TMC1: variants seen among roughly 807,000 people sequenced by gnomAD.
TMC1 encodes the protein transmembrane channel like 1, also known as transmembrane channel-like protein 1.
In TMC1, 84 loss-of-function variants were observed where a neutral mutation model predicts 105.8. The ratio of observed to expected loss-of-function variants is 0.79; its 90% CI spans 0.67 to 0.95. The LOEUF is 0.95. Among genes scored for constraint, TMC1 ranks in the 40% least tolerant of loss-of-function variants. The pLI, the probability that TMC1 is intolerant of heterozygous loss-of-function variation, is 0.00. For synonymous variants in TMC1, 315 were observed against 311.5 expected (o/e 1.01, Z -0.12); for missense variants, 817 against 914.1 (o/e 0.89, Z 1.37).
intron 10 of TMC1, among the ~76,000 whole-genome samples, chr9:72,749,817 T>C (rs1160113933): frequency 1.3e-5 from 2 of 151,948 alleles, no homozygotes; most frequent in African/African-American, 4.8e-5. Context: ...AGGTAAAGAA[T>C]AGACAAAGGG....
intron 4 of TMC1, among the ~76,000 whole-genome samples, chr9:72,638,782 T>C (rs944763141): frequency 1.3e-5 from 2 of 152,328 alleles, no homozygotes; most frequent in African/African-American, 4.8e-5. Flanking sequence ...ATGTGTTAGA[T>C]TTTGGACTAA....
chr9:72,670,765 G>A (rs906256696), intron 5 of TMC1, among the ~76,000 whole-genome samples: 4 of 152,132 alleles, frequency 2.6e-5, no homozygotes, highest in Admixed American at 1.3e-4. Context: ...AAGCATAAGC[G>A]AGATGGGATT....
In TMC1 at chr9:72,806,757, G is replaced by C. The variant is rs541810855; in HGVS notation, c.1695+1247G>C. 4.9e-4 allele frequency among the ~76,000 whole-genome samples: 74 copies of C among 151,464 alleles called. 2 individuals are homozygous for C. Among genetic ancestry groups the C allele is most frequent in the South Asian group, 1.9e-3 (9 of 4,772 alleles). The stretch of plus-strand genomic sequence containing the variant: ...TTCCTAGGTGGGATGGCGGCCGGGC[G>C]GAGACGCTCCTCACTTTCCAGACTG... On this transcript the variant is annotated intron_variant, in intron 18 of 23. Transcript: ENST00000297784.
chr9:72,541,823 C>A (rs1264999008), intron 1 of TMC1, among the ~76,000 whole-genome samples: 1 of 151,998 alleles, frequency 6.6e-6, no homozygotes, highest in African/African-American at 2.4e-5. Flanking sequence ...TATGACTAGA[C>A]TGAAAGATCT....
chr9:72,606,986 T>C (rs796357748), intron 2 of TMC1, among the ~76,000 whole-genome samples: 28 of 116,626 alleles, frequency 2.4e-4, no homozygotes, highest in Admixed American at 1.5e-3. Flanking sequence ...TGTGTGCATA[T>C]ATATATATAT....
chr9:72,522,674 A>G (rs1823333074), intron 1 of TMC1, among the ~76,000 whole-genome samples: 1 of 152,226 alleles, frequency 6.6e-6, no homozygotes, highest in Non-Finnish European at 1.5e-5. Flanking sequence ...ATGTGGTCAT[A>G]TTGCTTATTA....
At chr9:72,775,233 CCCTT>C (rs1827988359) in intron 13 of TMC1, among the ~76,000 whole-genome samples, 1 of 151,422 alleles carries the variant, frequency 6.6e-6, no homozygotes, top group Non-Finnish European at 1.5e-5. Context: ...TCTTCTTCCT[CCCTT>C]CATTCATTTC....
At chr9:72,690,436 T>G (rs1259372436) in intron 6 of TMC1, among the ~76,000 whole-genome samples, 11 of 152,126 alleles carry the variant, frequency 7.2e-5, no homozygotes, top group Admixed American at 7.2e-4. Context: ...GTTTTATATT[T>G]TCATGTGATT....
At chr9:72,623,223 A>G (rs1172033640) in intron 3 of TMC1, among the ~76,000 whole-genome samples, 2 of 143,772 alleles carry the variant, frequency 1.4e-5, no homozygotes, top group Non-Finnish European at 3.0e-5. Context: ...CATTGGACAC[A>G]GAGATACCAA....
chr9:72,573,436 A>G (rs926001995), intron 1 of TMC1, among the ~76,000 whole-genome samples: 1 of 152,262 alleles, frequency 6.6e-6, no homozygotes, highest in Non-Finnish European at 1.5e-5. Context: ...AAGACCTCAC[A>G]GTACATGATG....
chr9:72,661,303 A>G (rs532484281), intron 5 of TMC1, among the ~76,000 whole-genome samples: 1 of 152,322 alleles, frequency 6.6e-6, no homozygotes, highest in South Asian at 2.1e-4. Context: ...ATGGCTTTGC[A>G]TTGCTGCCAT....
chr9:72,782,681 T>G (rs1828112041), intron 13 of TMC1, among the ~76,000 whole-genome samples: 3 of 152,302 alleles, frequency 2.0e-5, no homozygotes, highest in South Asian at 2.1e-4. Flanking sequence ...GAATGCAATT[T>G]CATTCATAAT....
intron 18 of TMC1, among the ~76,000 whole-genome samples, chr9:72,812,282 G>A (rs1828719599): frequency 1.3e-5 from 2 of 152,142 alleles, no homozygotes; most frequent in African/African-American, 4.8e-5. Context: ...TGGGAACGTG[G>A]AGATATTATA....
At position 72,659,490 on chromosome 9, in the gene TMC1, C is replaced by G. The variant is rs1307658573; in HGVS notation, c.16+10826C>G. On this transcript the variant is annotated intron_variant, in intron 5 of 23. Transcript: ENST00000297784. Reference sequence around the variant, plus strand: ...TCTCTACTAAAAATAAAAAATTAGCCAGGTGTGGTGGCATGTGCCTGTAGT... The same window carrying G: ...TCTCTACTAAAAATAAAAAATTAGCGAGGTGTGGTGGCATGTGCCTGTAGT... 4.6e-5 allele frequency among the ~76,000 whole-genome samples: 7 copies of G among 152,174 alleles called. 1 individual carries two copies. The East Asian group carries it at 1.4e-3, about 29-fold the overall frequency.
intron 15 of TMC1, among the ~76,000 whole-genome samples, 179 bp from the exon 16 acceptor site, chr9:72,791,707 G>A (rs960095751): frequency 1.3e-5 from 2 of 152,156 alleles, no homozygotes; most frequent in African/African-American, 2.4e-5. Flanking sequence ...TTGAGAATGT[G>A]AATTGAATAT....
chr9:72,656,384 T>G (rs971640133), intron 5 of TMC1, among the ~76,000 whole-genome samples: 1 of 151,812 alleles, frequency 6.6e-6, no homozygotes, highest in Non-Finnish European at 1.5e-5. Context: ...TTTGGTGCCT[T>G]TTTTTTTGGG....
intron 1 of TMC1, among the ~76,000 whole-genome samples, chr9:72,532,541 C>CAAAA (rs59010604): frequency 4.0e-5 from 3 of 75,526 alleles, no homozygotes; most frequent in Non-Finnish European, 5.2e-5. Context: ...GACTCCGTCT[C>CAAAA]AAAAAAAAAA....
At chr9:72,631,426 C>A (rs1203709891) in intron 4 of TMC1, among the ~76,000 whole-genome samples, 1 of 152,144 alleles carries the variant, frequency 6.6e-6, no homozygotes, top group East Asian at 1.9e-4. Flanking sequence ...TTTGGGATAG[C>A]TCTGCTGAAC....
chr9:72,807,521 T>C (rs910903765), intron 18 of TMC1, among the ~76,000 whole-genome samples: 4 of 152,318 alleles, frequency 2.6e-5, no homozygotes, highest in African/African-American at 9.6e-5. Flanking sequence ...AGCTGAAATG[T>C]TGAACTCAGT....
Sources: allele counts gnomAD v4.1 joint callset (sites outside exome capture counted in the v4.1 genomes callset), GRCh38; gene constraint gnomAD v4.1.1; transcripts MANE v1.5; gene names NCBI Gene and HGNC (gene_info 2026-07-23, HGNC 2026-07-21).